The following GALNT17 variants were observed in gnomAD, a reference collection of about 807,000 sequenced individuals.
GALNT17 encodes the protein UDP-GalNAc:polypeptide N-acetylgalactosaminyltransferase-like 3.
Under a neutral mutation model 63.7 loss-of-function variants are expected in GALNT17, and 29 were observed. The observed-to-expected ratio is 0.46, with a 90% CI of 0.34 to 0.62. The LOEUF (loss-of-function observed/expected upper bound fraction) is 0.62. Among genes scored for constraint, GALNT17 ranks in the 20% least tolerant of loss-of-function variants. GALNT17 has a pLI of 0.01. For synonymous variants in GALNT17, 305 were observed against 318.3 expected (o/e 0.96, Z 0.45); for missense variants, 603 against 799.6 (o/e 0.75, Z 2.97).
intron 5 of GALNT17, among the ~76,000 whole-genome samples, chr7:71,525,513 C>T (rs1318015958): frequency 6.6e-6 from 1 of 151,292 alleles, no homozygotes; most frequent in African/African-American, 2.4e-5. Context: ...GCCAACTGTT[C>T]TTGTGGTAAT....
intron 5 of GALNT17, among the ~76,000 whole-genome samples, chr7:71,533,956 A>C (rs548420473): frequency 2.6e-4 from 39 of 152,270 alleles, no homozygotes; most frequent in African/African-American, 9.4e-4. Flanking sequence ...TGTGTGGCAA[A>C]ACAGGAATTC....
intron 5 of GALNT17, among the ~76,000 whole-genome samples, chr7:71,454,348 T>C (rs1482278628): frequency 6.6e-6 from 1 of 152,172 alleles, no homozygotes; most frequent in Non-Finnish European, 1.5e-5. Context: ...CCAGTTTTAG[T>C]TTGCTGAGGA....
chr7:71,433,954 A>AGG lies in GALNT17; in HGVS notation c.962+12850_962+12851dup, dbSNP rs375747654. Among the ~76,000 whole-genome samples, 5 of 1,520 alleles carry AGG rather than the reference A, an allele frequency of 3.3e-3. No individual in the cohort carries two copies. In the African/African-American group the frequency reaches 0.039, roughly 12 times the overall value. The allele number at this position is 1,520 out of a possible 152,430, so 1.0% of individuals were successfully genotyped here. Reference sequence around the variant, plus strand: ...CAGCGTGGCTAGGATAAAAGCAGGCAGGAATGTGGAAGGACTAGATTGGCT... The same window carrying AGG: ...CAGCGTGGCTAGGATAAAAGCAGGCAGGGGAATGTGGAAGGACTAGATTGGCT... On this transcript the variant is annotated intron_variant, in intron 5 of 10. Coordinates refer to ENST00000333538, the MANE Select transcript of GALNT17 (RefSeq NM_022479.3).
At chr7:71,227,382 A>G (rs550750655) in intron 1 of GALNT17, among the ~76,000 whole-genome samples, 1 of 151,866 alleles carries the variant, frequency 6.6e-6, no homozygotes, top group South Asian at 2.1e-4. Flanking sequence ...GGAAAAAAAA[A>G]AAATCATTGA....
chr7:71,242,804 C>T (rs1790023728), intron 1 of GALNT17, among the ~76,000 whole-genome samples: 1 of 152,218 alleles, frequency 6.6e-6, no homozygotes, highest in African/African-American at 2.4e-5. Context: ...CTGTCACAAA[C>T]AGCAGAACTG....
At position 71,201,241 on chromosome 7, in the gene GALNT17, T is replaced by TATATATATA. The variant is rs1554338085; in HGVS notation, c.238+68201_238+68202insATATATATA. On this transcript the variant is annotated intron_variant, in intron 1 of 10. Transcript: ENST00000333538. ...TGTATGGGGGTGTGTGTGTTTATTT[T>TATATATATA]TATATATATATATATAATTTGTGTG... 2.8e-4 allele frequency among the ~76,000 whole-genome samples: 39 copies of TATATATATA among 138,428 alleles called. 1 individual carries two copies. Among genetic ancestry groups the TATATATATA allele is most frequent in the African/African-American group, 9.9e-4 (35 of 35,428 alleles). The allele number at this position is 138,428 out of a possible 152,430, so 90.8% of individuals were successfully genotyped here.
rs1007687171 is a variant in GALNT17 at position 71,385,663 on chromosome 7, G to A, written c.423-2572G>A. On this transcript the variant is annotated intron_variant, in intron 2 of 10. Coordinates refer to ENST00000333538, the MANE Select transcript of GALNT17 (RefSeq NM_022479.3). ...CTTGAAGGGAAATCAAACCTGACCCGGCTCAGTGATACTATGTGGGAATAC... is the reference window on the plus strand; with the variant it reads ...CTTGAAGGGAAATCAAACCTGACCCAGCTCAGTGATACTATGTGGGAATAC... Among the ~76,000 whole-genome samples the A allele has an allele frequency of 3.9e-5, 6 of 152,162 alleles. No homozygotes were observed. The South Asian group carries it at 6.2e-4, about 16-fold the overall frequency.
Position 71,148,858 on chromosome 7 carries a change from TTTTATATATATA to T in GALNT17, c.238+15820_238+15831del, listed in dbSNP as rs1290588208. The stretch of plus-strand genomic sequence containing the variant: ...ATGAAATACAGTAGTATTATGGTAT[TTTTATATATATA>T]TATATATATATATATATATATATGT... On this transcript the variant is annotated intron_variant, in intron 1 of 10. Coordinates refer to ENST00000333538, the MANE Select transcript of GALNT17 (RefSeq NM_022479.3). Among the ~76,000 whole-genome samples, 17 of 91,914 alleles carry T rather than the reference TTTTATATATATA, an allele frequency of 1.8e-4. 1 individual carries two copies. Among genetic ancestry groups the T allele is most frequent in the African/African-American group, 3.1e-4 (6 of 19,516 alleles). 60.3% of individuals were successfully genotyped at this position (91,914 alleles called of 152,430 possible).
chr7:71,669,669 C>T (rs1161619213), intron 7 of GALNT17, among the ~76,000 whole-genome samples: 2 of 148,294 alleles, frequency 1.3e-5, no homozygotes, highest in Admixed American at 1.4e-4. Context: ...TTAAGTGATT[C>T]TCGTGCCTCA....
intron 1 of GALNT17, among the ~76,000 whole-genome samples, chr7:71,319,095 TA>T (rs879803029): frequency 0.068 from 9,965 of 147,448 alleles, 806 homozygotes; most frequent in African/African-American, 0.19. Flanking sequence ...TATTTTTGTT[TA>T]TCTTTCTTTC....
At position 71,422,048 on chromosome 7, in the gene GALNT17, A is replaced by C. The variant is rs2906272; in HGVS notation, c.962+943A>C. On this transcript the variant is annotated intron_variant, in intron 5 of 10. Transcript: ENST00000333538. ...TGCTATAACAAGTTACTATGAAAAT[A>C]ATGACTTGAAACAGCACAGATTGAT... 8.5e-3 allele frequency among the ~76,000 whole-genome samples: 1,287 copies of C among 152,226 alleles called. 16 individuals carry two copies. Among genetic ancestry groups the C allele is most frequent in the African/African-American group, 0.03 (1,236 of 41,548 alleles).
intron 6 of GALNT17, among the ~76,000 whole-genome samples, chr7:71,610,138 A>T (rs1044058692): frequency 6.6e-6 from 1 of 152,136 alleles, no homozygotes; most frequent in Admixed American, 6.6e-5. Context: ...AAAATCAAAA[A>T]TTGATAATAT....
intron 3 of GALNT17, among the ~76,000 whole-genome samples, chr7:71,389,150 T>C (rs1427631939): frequency 6.6e-6 from 1 of 151,986 alleles, no homozygotes; most frequent in African/African-American, 2.4e-5. Flanking sequence ...CTTTTTTTTT[T>C]TGAGATGGAG....
intron 5 of GALNT17, among the ~76,000 whole-genome samples, chr7:71,568,150 A>G (rs990700177): frequency 2.0e-5 from 3 of 152,194 alleles, no homozygotes; most frequent in East Asian, 1.9e-4. Context: ...CAGTGGGGGC[A>G]TTTGCCAGTT....
chr7:71,443,850 G>A (rs1309995260), intron 5 of GALNT17, among the ~76,000 whole-genome samples: 1 of 151,696 alleles, frequency 6.6e-6, no homozygotes, highest in African/African-American at 2.4e-5. Flanking sequence ...TCAGCTTCCC[G>A]AGTGGCTGGG....
intron 1 of GALNT17, among the ~76,000 whole-genome samples, chr7:71,243,148 G>C (rs951510464): frequency 6.6e-6 from 1 of 152,110 alleles, no homozygotes; most frequent in Non-Finnish European, 1.5e-5. Context: ...CACGAGATCT[G>C]ATGGTTTTAC....
intron 3 of GALNT17, among the ~76,000 whole-genome samples, chr7:71,409,152 A>G (rs1298995988): frequency 2.0e-5 from 3 of 151,984 alleles, no homozygotes; most frequent in African/African-American, 7.3e-5. Flanking sequence ...TCAGTTTTTT[A>G]GATGAGGCAG....
intron 1 of GALNT17, among the ~76,000 whole-genome samples, chr7:71,319,094 T>TTTTCTTTCTTTCTTTCTTTCTTTCTTTC (rs372024382): frequency 0.019 from 919 of 49,234 alleles, 36 homozygotes; most frequent in African/African-American, 0.039. Context: ...CTATTTTTGT[T>TTTTCTTTCTTTCTTTCTTTCTTTCTTTC]TATCTTTCTT....
At chr7:71,160,260 T>A (rs897276602) in intron 1 of GALNT17, among the ~76,000 whole-genome samples, 1 of 152,232 alleles carries the variant, frequency 6.6e-6, no homozygotes, top group African/African-American at 2.4e-5. Flanking sequence ...AACACTTGTG[T>A]CCTATATGTT....
Sources: gnomAD v4.1 joint callset for allele counts (sites outside exome capture counted in the v4.1 genomes callset) on GRCh38, gnomAD v4.1.1 for gene constraint, MANE v1.5 for transcripts, NCBI Gene and HGNC (gene_info 2026-07-23, HGNC 2026-07-21) for gene names.